The following NPEPL1 variants were observed in gnomAD, a reference collection of about 807,000 sequenced individuals.
NPEPL1 encodes the protein aminopeptidase like 1.
Under a neutral mutation model 52.4 loss-of-function variants are expected in NPEPL1, and 45 were observed. The ratio of observed to expected loss-of-function variants is 0.86; its 90% CI spans 0.68 to 1.10. The LOEUF (loss-of-function observed/expected upper bound fraction) is 1.10. Among genes scored for constraint, NPEPL1 ranks in the 50% least tolerant of loss-of-function variants. The pLI is 0.00. For synonymous variants in NPEPL1, 360 were observed against 314.7 expected, an observed-to-expected ratio of 1.14 and a Z score of -1.52; for missense variants, 696 against 710.9, an observed-to-expected ratio of 0.98 and a Z score of 0.24.
Position 58,715,373 on chromosome 20 carries a change from G to C in NPEPL1, c.*47G>C. On this transcript the variant is annotated 3_prime_UTR_variant, in exon 12 of 12. Coordinates refer to ENST00000356091, the MANE Select transcript of NPEPL1 (RefSeq NM_024663.4). ...AAACGGGGATCTTTTACCTCACTTTGCACTGATTAATTTTAAGCAATTGAA... is the reference window on the plus strand; with the variant it reads ...AAACGGGGATCTTTTACCTCACTTTCCACTGATTAATTTTAAGCAATTGAA... The C allele has an allele frequency of 6.6e-7, 1 of 1,516,794 alleles. No homozygotes were observed. The highest frequency in any genetic ancestry group is 1.8e-4 in the Middle Eastern group (1 of 5,684). The allele number at this position is 1,516,794 out of a possible 1,614,324, so 94.0% of individuals were successfully genotyped here.
chr20:58,707,080 C>G, intron 6 of NPEPL1, 43 bp from the exon 7 acceptor site: 1 of 1,542,218 alleles, frequency 6.5e-7, no homozygotes, highest in Non-Finnish European at 8.8e-7. Flanking sequence ...AGGCCTGGAC[C>G]TCACAGCTCA....
At chr20:58,694,287 C>T (rs1235599809) in intron 2 of NPEPL1, 135 bp from the exon 3 acceptor site, 7 of 865,726 alleles carry the variant, frequency 8.1e-6, no homozygotes, top group Middle Eastern at 7.3e-4. Context: ...GATGGGGTGG[C>T]GGCTGCTGTG....
intron 5 of NPEPL1, among the ~76,000 whole-genome samples, chr20:58,700,292 C>G (rs2084587211): frequency 6.6e-6 from 1 of 152,204 alleles, no homozygotes; most frequent in Non-Finnish European, 1.5e-5. Context: ...AGGGACTGCA[C>G]AAGGACATGA....
At chr20:58,712,683 G>A (rs550178216) in intron 8 of NPEPL1, 104 bp downstream of exon 8, 68 of 852,454 alleles carry the variant, frequency 8.0e-5, no homozygotes, top group Admixed American at 3.1e-4. Context: ...GGCACTCAGC[G>A]TTGGGGTCCC....
chr20:58,706,302 G>A (rs1225779859), intron 6 of NPEPL1, among the ~76,000 whole-genome samples: 6 of 152,220 alleles, frequency 3.9e-5, no homozygotes, highest in Non-Finnish European at 7.3e-5. Context: ...ATGAAGGAGC[G>A]ACAGGTGTCC....
chr20:58,704,894 A>C (rs1459267355), intron 6 of NPEPL1, among the ~76,000 whole-genome samples: 2 of 152,236 alleles, frequency 1.3e-5, no homozygotes, highest in East Asian at 3.8e-4. Flanking sequence ...GTGGCAGTTA[A>C]ATCCGCTGTT....
chr20:58,696,411 C>T (rs575345936), intron 3 of NPEPL1, among the ~76,000 whole-genome samples: 1 of 152,360 alleles, frequency 6.6e-6, no homozygotes, highest in African/African-American at 2.4e-5. Flanking sequence ...CTCCTGTGCT[C>T]CTCACTGGGT....
rs183740318 is a variant in NPEPL1, at chr20:58,693,139, C to T, written c.150+89C>T. 5.4e-3 allele frequency: 4,727 copies of T among 878,108 alleles called. 11 individuals carry two copies. The highest frequency in any genetic ancestry group is 6.0e-3 in the Non-Finnish European group (4,433 of 733,816). The allele number at this position is 878,108 out of a possible 1,614,324, so 54.4% of individuals were successfully genotyped here. A position where few individuals can be genotyped will look rare whatever the true frequency, so the allele number is the denominator to read the frequency against. The stretch of plus-strand genomic sequence containing the variant: ...GAGGCCCCGCCTCGCCCGCCGCACC[C>T]CCGCCGCCGCCGGGCCGGGCCCAAC... On this transcript the variant is annotated intron_variant, in intron 1 of 11. Transcript: ENST00000356091.
At chr20:58,712,916 G>C (rs567565150) in intron 8 of NPEPL1, 17 of 406,936 alleles carry the variant, frequency 4.2e-5, no homozygotes, top group South Asian at 3.1e-4. Flanking sequence ...CCCTGCTCGG[G>C]GACACCTCCT....
chr20:58,700,313 G>A (rs904426030), intron 5 of NPEPL1, among the ~76,000 whole-genome samples: 3 of 152,218 alleles, frequency 2.0e-5, no homozygotes, highest in East Asian at 1.9e-4. Context: ...ATACCCAGAC[G>A]TGGGGGCCAC....
At chr20:58,693,156 G>A in intron 1 of NPEPL1, 106 bp downstream of exon 1, 2 of 818,278 alleles carry the variant, frequency 2.4e-6, no homozygotes, top group Non-Finnish European at 2.9e-6. Flanking sequence ...CCGCCGGGCC[G>A]GGCCCAACGA....
chr20:58,715,379 ATTAATT>A lies in NPEPL1; in HGVS notation c.*58_*63del. The A allele has an allele frequency of 1.3e-6, 2 of 1,489,912 alleles. No individual in the cohort carries two copies. Among genetic ancestry groups the A allele is most frequent in the Non-Finnish European group, 1.8e-6 (2 of 1,116,502 alleles). 92.3% of individuals were successfully genotyped at this position (1,489,912 alleles called of 1,614,324 possible). A position where few individuals can be genotyped will look rare whatever the true frequency, so the allele number is the denominator to read the frequency against. ...GGATCTTTTACCTCACTTTGCACTGATTAATTTTAAGCAATTGAAAGATTGCCCTTC... is the reference window on the plus strand; with the variant it reads ...GGATCTTTTACCTCACTTTGCACTGATTAAGCAATTGAAAGATTGCCCTTC... On this transcript the variant is annotated 3_prime_UTR_variant, in exon 12 of 12. Transcript: ENST00000356091.
chr20:58,712,081 G>A (rs926497285), intron 7 of NPEPL1, among the ~76,000 whole-genome samples: 8 of 150,772 alleles, frequency 5.3e-5, no homozygotes, highest in Admixed American at 4.7e-4. Context: ...CTTCCACGAG[G>A]CTGAGCTCTT....
intron 7 of NPEPL1, among the ~76,000 whole-genome samples, chr20:58,709,725 C>A (rs1357567652): frequency 1.3e-5 from 2 of 152,336 alleles, no homozygotes; most frequent in South Asian, 4.1e-4. Context: ...AGGATTCCCA[C>A]CAAAAATGCA....
chr20:58,691,854 G>C (rs1173981890), upstream of NPEPL1: 2 of 1,466,194 alleles, frequency 1.4e-6, no homozygotes, highest in South Asian at 1.2e-5. Flanking sequence ...GCTTTTAAAT[G>C]ACTCCTGGGT....
chr20:58,695,017 G>GAGT, intron 3 of NPEPL1, among the ~76,000 whole-genome samples: 1 of 1,842 alleles, frequency 5.4e-4, no homozygotes, highest in Non-Finnish European at 1.1e-3. Flanking sequence ...TGTGTGATGT[G>GAGT]TGTGTGTGTG....
intron 10 of NPEPL1, 153 bp downstream of exon 10, chr20:58,714,246 C>T: frequency 2.6e-6 from 2 of 769,838 alleles, no homozygotes; most frequent in Non-Finnish European, 3.9e-6. Context: ...CGTCAGGGCA[C>T]AGGAGTCATC....
intron 3 of NPEPL1, among the ~76,000 whole-genome samples, chr20:58,695,046 AT>A (rs2084441708): frequency 1.2e-4 from 1 of 8,126 alleles, no homozygotes; most frequent in Non-Finnish European, 2.9e-4. Flanking sequence ...GTTGCTGTGT[AT>A]GTTTGCTGGT....
chr20:58,709,054 G>T (rs1465954365), intron 7 of NPEPL1, among the ~76,000 whole-genome samples: 1 of 151,710 alleles, frequency 6.6e-6, no homozygotes, highest in African/African-American at 2.4e-5. Flanking sequence ...CTTGACAAAT[G>T]ATCACAGATT....
Sources: gnomAD v4.1 joint callset for allele counts (sites outside exome capture counted in the v4.1 genomes callset) on GRCh38, gnomAD v4.1.1 for gene constraint, MANE v1.5 for transcripts, NCBI Gene and HGNC (gene_info 2026-07-23, HGNC 2026-07-21) for gene names.